XDH: variants seen among roughly 807,000 people sequenced by gnomAD.
XDH encodes xanthine dehydrogenase.
Under a neutral mutation model 156.1 loss-of-function variants are expected in XDH, and 138 were observed. The observed-to-expected ratio is 0.88, with a 90% CI of 0.77 to 1.02. XDH has a LOEUF of 1.02. XDH is among the 50% of genes least tolerant of loss of function. The pLI, the probability that XDH is intolerant of heterozygous loss-of-function variation, is 0.00. For missense variants in XDH, 1,849 were observed against 1,684.9 expected, an observed-to-expected ratio of 1.10 and a Z score of -1.71; for synonymous variants, 669 against 625.7, an observed-to-expected ratio of 1.07 and a Z score of -1.03.
intron 9 of XDH, among the ~76,000 whole-genome samples, chr2:31,384,748 A>T (rs1223684627): frequency 6.6e-6 from 1 of 152,180 alleles, no homozygotes; most frequent in East Asian, 1.9e-4. Flanking sequence ...AGATTCCAGA[A>T]TCTTCAAAGC....
intron 32 of XDH, among the ~76,000 whole-genome samples, chr2:31,341,944 A>T (rs563355060): frequency 3.9e-4 from 60 of 152,346 alleles, no homozygotes; most frequent in African/African-American, 1.4e-3. Context: ...ATCTGTTTAC[A>T]AGCTGTCTAT....
At chr2:31,402,022 T>C (rs964938897) in intron 3 of XDH, among the ~76,000 whole-genome samples, 1 of 152,184 alleles carries the variant, frequency 6.6e-6, no homozygotes, top group Non-Finnish European at 1.5e-5. Context: ...GCAATTTAAA[T>C]CTTGTTAAAG....
chr2:31,403,744 C>T (rs1687124703), intron 2 of XDH, among the ~76,000 whole-genome samples: 1 of 152,134 alleles, frequency 6.6e-6, no homozygotes, highest in South Asian at 2.1e-4. Context: ...TATTGGGCCT[C>T]ACTCTTACAT....
In XDH at chr2:31,408,307, T is replaced by A. The variant is rs1228801045; in HGVS notation, c.43-2343A>T. Among the ~76,000 whole-genome samples, 3 of 152,206 alleles carry A rather than the reference T, an allele frequency of 2.0e-5. No individual in the cohort carries two copies. In the East Asian group the frequency reaches 5.8e-4, roughly 29 times the overall value. On this transcript the variant is annotated intron_variant, in intron 1 of 35. Transcript: ENST00000379416. ...AATTTCTTCATAAAGGCTTTCCTTA[T>A]CACTCCAGCCACAAGTGGATTGCTA...
chr2:31,334,857 A>T lies in XDH; in HGVS notation c.*1101T>A, dbSNP rs1684933755. The T allele has an allele frequency of 6.6e-6, 1 of 152,108 alleles. No individual in the cohort carries two copies. The highest frequency in any genetic ancestry group is 2.4e-5 in the African/African-American group (1 of 41,414). The allele number at this position is 152,108 out of a possible 1,614,324, so 9.4% of individuals were successfully genotyped here. ...ACCTCTGGTTGGGCTTGATTTTGAT[A>T]GCAGCATTTTTATTTCTTTTTTTTT... On this transcript the variant is annotated 3_prime_UTR_variant, in exon 36 of 36. Transcript: ENST00000379416.
chr2:31,346,150 T>A (rs931248962), intron 30 of XDH, among the ~76,000 whole-genome samples: 1 of 152,232 alleles, frequency 6.6e-6, no homozygotes, highest in African/African-American at 2.4e-5. Context: ...CATTAATATT[T>A]CCACTTGCTG....
At chr2:31,384,606 C>T (rs565247981) in intron 9 of XDH, among the ~76,000 whole-genome samples, 49 of 152,166 alleles carry the variant, frequency 3.2e-4, no homozygotes, top group Middle Eastern at 6.8e-3. Flanking sequence ...TGGCTCAGCA[C>T]CTCTCCCAGC....
chr2:31,365,367 G>A (rs1318808219), intron 23 of XDH, 90 bp downstream of exon 23: 6 of 1,363,390 alleles, frequency 4.4e-6, no homozygotes, highest in Non-Finnish European at 5.3e-6. Flanking sequence ...GCAAAAAGTA[G>A]GAGTGCAGCT....
intron 17 of XDH, among the ~76,000 whole-genome samples, chr2:31,370,959 G>T (rs1022917523): frequency 2.0e-5 from 3 of 152,208 alleles, no homozygotes; most frequent in Admixed American, 6.5e-5. Context: ...GGAGCGCTCT[G>T]GCTCATGCAC....
At chr2:31,385,052 G>A (rs45498201) in intron 9 of XDH, among the ~76,000 whole-genome samples, 2,019 of 152,286 alleles carry the variant, frequency 0.013, 18 homozygotes, top group Non-Finnish European at 0.02. Flanking sequence ...ACATTGGATG[G>A]CTCATGGCAG....
chr2:31,349,772 CTCAAGCTTCTGGT>C lies in XDH; in HGVS notation c.2870_2882del (p.Asn957ArgfsTer13). 6.2e-7 allele frequency: 1 copy of C among 1,614,168 alleles called. No individual in the cohort carries two copies. Among genetic ancestry groups the C allele is most frequent in the Non-Finnish European group, 8.5e-7 (1 of 1,180,044 alleles). ...CCCAGCATCTGGGCAAGGTGAAACC[CTCAAGCTTCTGGT>C]TGAAGTGTGTCAGGTCCCCTTCTTT... is the stretch of plus-strand genomic sequence containing the variant. On this transcript the variant is annotated frameshift_variant, in exon 26 of 36. Transcript: ENST00000379416. LOFTEE classifies it high-confidence loss of function.
chr2:31,339,897 G>T (rs1038184591), intron 33 of XDH, among the ~76,000 whole-genome samples: 1 of 152,226 alleles, frequency 6.6e-6, no homozygotes, highest in African/African-American at 2.4e-5. Flanking sequence ...AACACGGAAG[G>T]TCAGTGATTC....
At chr2:31,338,858 G>A (rs1341981915) in intron 34 of XDH, among the ~76,000 whole-genome samples, 1 of 151,340 alleles carries the variant, frequency 6.6e-6, no homozygotes, top group Admixed American at 6.6e-5. Context: ...TGAGTAGCTG[G>A]GATTACAGGC....
chr2:31,362,023 C>T (rs533128665), intron 24 of XDH, among the ~76,000 whole-genome samples: 118 of 150,548 alleles, frequency 7.8e-4, no homozygotes, highest in African/African-American at 2.6e-3. Flanking sequence ...TTAAATTTAT[C>T]CTATAATGAG....
At chr2:31,340,483 T>A (rs1685097857) in intron 33 of XDH, among the ~76,000 whole-genome samples, 1 of 152,204 alleles carries the variant, frequency 6.6e-6, no homozygotes, top group African/African-American at 2.4e-5. Flanking sequence ...TTTATTTATT[T>A]TTTTGAGACT....
chr2:31,405,081 A>G (rs206800), intron 2 of XDH, among the ~76,000 whole-genome samples: 37,351 of 151,954 alleles, frequency 0.25, 4,855 homozygotes, highest in Middle Eastern at 0.36. Context: ...CTTTGGTGCA[A>G]TCTCCATCAC....
Position 31,350,173 on chromosome 2 carries a change from G to T in XDH, c.2682C>A (p.Asn894Lys). ...FHMDNCYKIPNIRGTGRLCKT... is the reference protein window; with the variant it reads ...FHMDNCYKIPKIRGTGRLCKT... ...TGCACAGCCGCCCAGTGCCCCGGAT[G>T]TTGGGGATTTTATAGCAGTTGTCCA... Residue 894 changes from asparagine to lysine, a missense_variant, in exon 25 of 36, where the codon AAC becomes AAA. By Grantham distance (94) the Asn-to-Lys change is moderately conservative. Transcript: ENST00000379416. The T allele has an allele frequency of 6.2e-7, 1 of 1,614,196 alleles. No homozygotes were observed. The highest frequency in any genetic ancestry group is 8.5e-7 in the Non-Finnish European group (1 of 1,180,040).
intron 5 of XDH, 133 bp from the exon 6 acceptor site, chr2:31,397,862 C>T: frequency 1.0e-6 from 1 of 975,848 alleles, no homozygotes; most frequent in Non-Finnish European, 1.6e-6. Context: ...GTCTGGAAGG[C>T]CTCTTGGCCT....
At chr2:31,373,578 C>A (rs1334900135) in intron 16 of XDH, among the ~76,000 whole-genome samples, 1 of 151,138 alleles carries the variant, frequency 6.6e-6, no homozygotes. Flanking sequence ...TTAGCATACT[C>A]AAGAAGACGT....
Sources: allele counts gnomAD v4.1 joint callset (sites outside exome capture counted in the v4.1 genomes callset), GRCh38; gene constraint gnomAD v4.1.1; transcripts MANE v1.5; gene names NCBI Gene and HGNC (gene_info 2026-07-23, HGNC 2026-07-21).